Variants in DHRSX observed in about 807,000 individuals in gnomAD.
The protein encoded by DHRSX is dehydrogenase/reductase X-linked.
In DHRSX, 31 loss-of-function variants were observed where a neutral mutation model predicts 34.0. The ratio of observed to expected loss-of-function variants is 0.91; its 90% CI spans 0.69 to 1.23. The LOEUF (loss-of-function observed/expected upper bound fraction) is 1.23. DHRSX is among the 50% of genes most tolerant of loss of function. The pLI is 0.00. For synonymous variants in DHRSX, 201 were observed against 183.8 expected (o/e 1.09, Z -0.76); for missense variants, 414 against 428.1 (o/e 0.97, Z 0.29).
chrX:2,329,743 T>C (rs191528997), intron 3 of DHRSX, among the ~76,000 whole-genome samples: 6 of 152,202 alleles, frequency 3.9e-5, no homozygotes, highest in Non-Finnish European at 7.4e-5. Context: ...GACCTTCAAA[T>C]CCTAGCCCGC....
intron 1 of DHRSX, among the ~76,000 whole-genome samples, chrX:2,458,989 A>C (rs1414181708): frequency 6.6e-6 from 1 of 151,988 alleles, no homozygotes; most frequent in African/African-American, 2.4e-5. Context: ...AACTTTAAAA[A>C]TTAACCAGGT....
chrX:2,324,599 C>T (rs2042354137), intron 3 of DHRSX, among the ~76,000 whole-genome samples: 1 of 152,036 alleles, frequency 6.6e-6, no homozygotes, highest in African/African-American at 2.4e-5. Context: ...CTTCAGGGAC[C>T]ATGTCCTATT....
At chrX:2,429,805 A>C (rs983954908) in intron 1 of DHRSX, among the ~76,000 whole-genome samples, 5 of 152,080 alleles carry the variant, frequency 3.3e-5, no homozygotes, top group African/African-American at 1.2e-4. Flanking sequence ...TACAACAGAC[A>C]CAAGAACGGC....
chrX:2,452,888 C>A (rs2044244698), intron 1 of DHRSX, among the ~76,000 whole-genome samples: 1 of 152,220 alleles, frequency 6.6e-6, no homozygotes, highest in Non-Finnish European at 1.5e-5. Context: ...AGTCATCCCA[C>A]CACTGGGTGT....
At chrX:2,312,440 T>C (rs1306411981) in intron 3 of DHRSX, among the ~76,000 whole-genome samples, 1 of 152,066 alleles carries the variant, frequency 6.6e-6, no homozygotes, top group Non-Finnish European at 1.5e-5. Flanking sequence ...TGGATGAAGC[T>C]GGAAACCATC....
chrX:2,235,755 A>AAG (rs1197846525), intron 6 of DHRSX, among the ~76,000 whole-genome samples: 2 of 123,244 alleles, frequency 1.6e-5, no homozygotes, highest in African/African-American at 5.9e-5. Flanking sequence ...AAAAAAAAAA[A>AAG]GGGAACAAAA....
At chrX:2,304,889 T>C (rs2042081197) in intron 3 of DHRSX, among the ~76,000 whole-genome samples, 2 of 152,070 alleles carry the variant, frequency 1.3e-5, no homozygotes, top group Admixed American at 6.6e-5. Context: ...CATTCTATTA[T>C]AAAGATACAG....
At chrX:2,465,227 G>A (rs1446956415) in intron 1 of DHRSX, among the ~76,000 whole-genome samples, 6 of 152,158 alleles carry the variant, frequency 3.9e-5, no homozygotes, top group Non-Finnish European at 5.9e-5. Flanking sequence ...ACTTCCTACA[G>A]CTGTGGGAAA....
At chrX:2,451,185 A>T (rs2044211879) in intron 1 of DHRSX, among the ~76,000 whole-genome samples, 1 of 151,566 alleles carries the variant, frequency 6.6e-6, no homozygotes, top group African/African-American at 2.4e-5. Context: ...GTGAGCTGAG[A>T]TCACAGCACT....
chrX:2,418,019 A>G (rs1455698888), intron 2 of DHRSX, among the ~76,000 whole-genome samples: 1 of 151,990 alleles, frequency 6.6e-6, no homozygotes, highest in Non-Finnish European at 1.5e-5. Context: ...GACCTAACTC[A>G]ACTACATTTC....
chrX:2,333,310 T>C (rs1219319111), intron 3 of DHRSX, among the ~76,000 whole-genome samples: 4 of 152,160 alleles, frequency 2.6e-5, no homozygotes, highest in Non-Finnish European at 1.5e-5. Flanking sequence ...TTTAAACTTG[T>C]ATGTTAGATT....
chrX:2,428,744 A>G (rs2043880667), intron 1 of DHRSX, among the ~76,000 whole-genome samples: 1 of 152,200 alleles, frequency 6.6e-6, no homozygotes, highest in Admixed American at 6.5e-5. Context: ...CGTTCTGCAC[A>G]TGTACCCCAG....
chrX:2,390,350 C>G (rs954761455), intron 3 of DHRSX, among the ~76,000 whole-genome samples: 1 of 148,410 alleles, frequency 6.7e-6, no homozygotes, highest in Non-Finnish European at 1.5e-5. Flanking sequence ...GTTGGTCAGG[C>G]TCGTCTCAAA....
chrX:2,276,734 AGAGAGAGAGAGAG>A (rs973666279), intron 4 of DHRSX, among the ~76,000 whole-genome samples: 4 of 141,946 alleles, frequency 2.8e-5, no homozygotes, highest in African/African-American at 9.9e-5. Flanking sequence ...AAGGGCAATC[AGAGAGAGAGAGAG>A]GAGAGAGAGA....
At chrX:2,301,781 G>C (rs2042013639) in intron 3 of DHRSX, among the ~76,000 whole-genome samples, 1 of 152,084 alleles carries the variant, frequency 6.6e-6, no homozygotes, top group South Asian at 2.1e-4. Flanking sequence ...TGGGACTACA[G>C]GCACCCGCCA....
intron 6 of DHRSX, among the ~76,000 whole-genome samples, chrX:2,241,108 C>T (rs1356197812): frequency 1.3e-5 from 2 of 151,516 alleles, no homozygotes; most frequent in African/African-American, 2.4e-5. Flanking sequence ...CACTTGAACC[C>T]GGGAGGCAGA....
chrX:2,371,271 T>C (rs189615163), intron 3 of DHRSX, among the ~76,000 whole-genome samples: 3,384 of 141,746 alleles, frequency 0.024, 56 homozygotes, highest in African/African-American at 0.051. Context: ...CATAGACCCT[T>C]CTACTTCTGT....
At position 2,303,132 on chromosome X, in the gene DHRSX, AT is replaced by A. The variant is rs112152606; in HGVS notation, c.287-11530del. The stretch of plus-strand genomic sequence containing the variant: ...CTTCCAAAAACAGCAGTGTGAATGG[AT>A]TTTTTTTAAAAAAACTAGAAGATGC... On this transcript the variant is annotated intron_variant, in intron 3 of 6. Transcript: ENST00000334651. Among the ~76,000 whole-genome samples the A allele has an allele frequency of 9.4e-4, 143 of 152,170 alleles. 2 individuals are homozygous for A. Among genetic ancestry groups the A allele is most frequent in the African/African-American group, 3.3e-3 (137 of 41,528 alleles).
chrX:2,321,500 G>C (rs1250008221), intron 3 of DHRSX, among the ~76,000 whole-genome samples: 1 of 146,690 alleles, frequency 6.8e-6, no homozygotes, highest in Non-Finnish European at 1.5e-5. Context: ...ACATCAGGTC[G>C]TGAAGGTGGG....
Sources: gnomAD v4.1 joint callset for allele counts (sites outside exome capture counted in the v4.1 genomes callset) on GRCh38, gnomAD v4.1.1 for gene constraint, MANE v1.5 for transcripts, NCBI Gene and HGNC (gene_info 2026-07-23, HGNC 2026-07-21) for gene names.